Variants in THSD4 observed in about 807,000 individuals in gnomAD.
THSD4 encodes thrombospondin type 1 domain containing 4.
Under a neutral mutation model 119.0 loss-of-function variants are expected in THSD4, and 69 were observed. That is an observed-to-expected ratio of 0.58 (90% confidence interval 0.48 to 0.71). The LOEUF (loss-of-function observed/expected upper bound fraction) is 0.71. Among genes scored for constraint, THSD4 ranks in the 30% least tolerant of loss-of-function variants. THSD4 has a pLI of 0.00. For synonymous variants in THSD4, 524 were observed against 540.4 expected, an observed-to-expected ratio of 0.97 and a Z score of 0.42; for missense variants, 1,393 against 1,391.1, an observed-to-expected ratio of 1.00 and a Z score of -0.02.
At position 71,746,883 on chromosome 15, in the gene THSD4, G is replaced by A. The variant is rs541603909; in HGVS notation, c.2082G>A (p.Leu694=). The change falls in exon 13 of 18, where the codon CTG becomes CTA. Residue 694 remains leucine (L), a synonymous_variant. Coordinates refer to ENST00000261862, the MANE Select transcript of THSD4 (RefSeq NM_024817.3). ...EWSECSKTCG[L]GMQHRQVLCR... is the part of the protein sequence containing the mutation. ...CTGAGTGCAGCAAGACCTGTGGCCT[G>A]GGCATGCAGCACCGCCAGGTTCTGT... 1 of 1,614,070 alleles carries A rather than the reference G, an allele frequency of 6.2e-7. No individual in the cohort carries two copies. Among genetic ancestry groups the A allele is most frequent in the African/African-American group, 1.3e-5 (1 of 75,052 alleles).
intron 6 of THSD4, among the ~76,000 whole-genome samples, chr15:71,393,613 T>C (rs1044001614): frequency 6.6e-6 from 1 of 152,162 alleles, no homozygotes; most frequent in Non-Finnish European, 1.5e-5. Context: ...CTATTTATTT[T>C]GTTTTGAAAG....
At chr15:71,286,345 T>C (rs1192342533) in intron 6 of THSD4, among the ~76,000 whole-genome samples, 1 of 152,114 alleles carries the variant, frequency 6.6e-6, no homozygotes, top group East Asian at 1.9e-4. Flanking sequence ...CTGTGTATGG[T>C]GTTCCCCTCT....
intron 11 of THSD4, among the ~76,000 whole-genome samples, chr15:71,744,545 A>G (rs1469005991): frequency 6.6e-6 from 1 of 152,082 alleles, no homozygotes; most frequent in African/African-American, 2.4e-5. Context: ...GCTTCAACCT[A>G]TCCCTTAAAT....
chr15:71,497,561 A>G (rs939172012), intron 7 of THSD4, among the ~76,000 whole-genome samples: 5 of 151,976 alleles, frequency 3.3e-5, no homozygotes, highest in Non-Finnish European at 5.9e-5. Context: ...ATATATACAC[A>G]TACATATAAA....
chr15:71,530,444 T>C (rs772915115), intron 7 of THSD4, among the ~76,000 whole-genome samples: 1 of 152,144 alleles, frequency 6.6e-6, no homozygotes, highest in Non-Finnish European at 1.5e-5. Context: ...CAGATGTAAC[T>C]TTAGTGATTC....
At position 71,242,643 on chromosome 15, in the gene THSD4, C is replaced by T. The variant is rs1432300548; in HGVS notation, c.465-6C>T. 1.2e-6 allele frequency: 2 copies of T among 1,612,316 alleles called. No individual in the cohort carries two copies. The highest frequency in any genetic ancestry group is 2.2e-5 in the East Asian group (1 of 44,854). On this transcript the variant is annotated splice_region_variant and splice_polypyrimidine_tract_variant and intron_variant, in intron 4 of 17. Coordinates refer to ENST00000261862, the MANE Select transcript of THSD4 (RefSeq NM_024817.3). ...ATCATCTCCTCTCTTGTCTATCTCT[C>T]TTTAGGAGCAGGACCCGTGGTACCA...
intron 7 of THSD4, among the ~76,000 whole-genome samples, chr15:71,482,890 A>G (rs1254395700): frequency 6.6e-6 from 1 of 152,140 alleles, no homozygotes; most frequent in African/African-American, 2.4e-5. Context: ...CCTGGCCTGT[A>G]CTGTAACTTT....
At chr15:71,364,776 T>C (rs1281246618) in intron 6 of THSD4, among the ~76,000 whole-genome samples, 3 of 152,248 alleles carry the variant, frequency 2.0e-5, no homozygotes, top group African/African-American at 7.2e-5. Flanking sequence ...CGCTGAGCTT[T>C]AAAGCGTGTC....
At chr15:71,702,128 T>A (rs1230304638) in intron 8 of THSD4, among the ~76,000 whole-genome samples, 1 of 152,106 alleles carries the variant, frequency 6.6e-6, no homozygotes, top group Non-Finnish European at 1.5e-5. Flanking sequence ...GGTCAGGTGC[T>A]CCCATCTGCT....
At chr15:71,308,312 T>C (rs577865068) in intron 6 of THSD4, among the ~76,000 whole-genome samples, 8 of 152,266 alleles carry the variant, frequency 5.3e-5, no homozygotes, top group African/African-American at 1.9e-4. Context: ...CCTACTCGGG[T>C]TTAACTTGTC....
chr15:71,567,744 G>C (rs540810811), intron 7 of THSD4, among the ~76,000 whole-genome samples: 1 of 152,034 alleles, frequency 6.6e-6, no homozygotes, highest in East Asian at 1.9e-4. Context: ...AACCAGGGAA[G>C]CCAGAACAGC....
intron 7 of THSD4, among the ~76,000 whole-genome samples, chr15:71,497,998 G>T (rs1225811772): frequency 6.6e-6 from 1 of 152,172 alleles, no homozygotes; most frequent in African/African-American, 2.4e-5. Context: ...GACAAGGGGA[G>T]GGTGGGTTAT....
At chr15:71,603,126 T>A (rs74693178) in intron 7 of THSD4, among the ~76,000 whole-genome samples, 2,599 of 152,344 alleles carry the variant, frequency 0.017, 67 homozygotes, top group African/African-American at 0.057. Flanking sequence ...AATGCAATGA[T>A]GTCTGACAGG....
At chr15:71,617,344 T>A (rs1983031) in intron 7 of THSD4, among the ~76,000 whole-genome samples, 28,927 of 152,180 alleles carry the variant, frequency 0.19, 3,098 homozygotes, top group Non-Finnish European at 0.24. Context: ...TAAATTTTTT[T>A]AATTAATATC....
chr15:71,651,918 G>A (rs1463394776), intron 7 of THSD4, among the ~76,000 whole-genome samples: 1 of 152,200 alleles, frequency 6.6e-6, no homozygotes, highest in Non-Finnish European at 1.5e-5. Flanking sequence ...TTGGCTGTGT[G>A]TTAAGGAAAT....
intron 2 of THSD4, 127 bp downstream of exon 2, chr15:71,141,683 C>G: frequency 9.1e-7 from 1 of 1,098,790 alleles, no homozygotes. Context: ...TGATATAATA[C>G]GTCCACTTGT....
At chr15:71,731,055 C>A (rs2052967674) in intron 9 of THSD4, 66 bp from the exon 10 acceptor site, 2 of 1,470,608 alleles carry the variant, frequency 1.4e-6, no homozygotes, top group African/African-American at 1.4e-5. Context: ...TCTGCAAATG[C>A]CATTGAAACC....
intron 6 of THSD4, among the ~76,000 whole-genome samples, chr15:71,361,088 C>T (rs2045886941): frequency 6.6e-6 from 1 of 152,128 alleles, no homozygotes; most frequent in Non-Finnish European, 1.5e-5. Context: ...GGTGAGCAGG[C>T]AAGGGTGGCA....
At chr15:71,257,104 A>G (rs2044326664) in intron 6 of THSD4, among the ~76,000 whole-genome samples, 1 of 152,134 alleles carries the variant, frequency 6.6e-6, no homozygotes, top group African/African-American at 2.4e-5. Flanking sequence ...TGGGAGCTTA[A>G]GAGAACATGT....
Sources: gnomAD v4.1 joint callset for allele counts (sites outside exome capture counted in the v4.1 genomes callset) on GRCh38, gnomAD v4.1.1 for gene constraint, MANE v1.5 for transcripts, NCBI Gene and HGNC (gene_info 2026-07-23, HGNC 2026-07-21) for gene names.